IFT140: variants seen among roughly 807,000 people sequenced by gnomAD.
The protein encoded by IFT140 is intraflagellar transport protein 140 homolog.
In IFT140, 133 loss-of-function variants were observed where a neutral mutation model predicts 164.6. The observed-to-expected ratio is 0.81, with a 90% confidence interval of 0.70 to 0.93. IFT140 has a LOEUF of 0.93. Ranked by LOEUF, IFT140 falls within the 40% of genes least tolerant of loss-of-function variation. The pLI, the probability that IFT140 is intolerant of heterozygous loss-of-function variation, is 0.00. For synonymous variants in IFT140, 860 were observed against 817.3 expected, an observed-to-expected ratio of 1.05 and a Z score of -0.89; for missense variants, 2,045 against 1,972.3, an observed-to-expected ratio of 1.04 and a Z score of -0.70.
Position 1,511,357 on chromosome 16 carries a change from G to C in IFT140, c.4183-207C>G, listed in dbSNP as rs569256307. On this transcript the variant is annotated intron_variant, in intron 30 of 30. Transcript: ENST00000426508. ...TGCCCGCGGACCGCACACATGCCATGTGTGGACACTCAACAGGAAGCTTCG... is the reference window on the plus strand; with the variant it reads ...TGCCCGCGGACCGCACACATGCCATCTGTGGACACTCAACAGGAAGCTTCG... Among the ~76,000 whole-genome samples, 6 of 152,362 alleles carry C rather than the reference G, an allele frequency of 3.9e-5. No homozygotes were observed. In the East Asian group the frequency reaches 1.2e-3, roughly 29 times the overall value.
Position 1,561,033 on chromosome 16 carries a change from CCT to C in IFT140, c.2199+950_2199+951del, listed in dbSNP as rs112123162. ...CCCCCTGCCTCCCGCCTGCAGAACCCCTGTGGGGCTCACAGGCCGGCGCCAGC... is the reference window on the plus strand; with the variant it reads ...CCCCCTGCCTCCCGCCTGCAGAACCCGTGGGGCTCACAGGCCGGCGCCAGC... On this transcript the variant is annotated intron_variant, in intron 18 of 30. Coordinates refer to ENST00000426508, the MANE Select transcript of IFT140 (RefSeq NM_014714.4). 2.0e-4 allele frequency among the ~76,000 whole-genome samples: 30 copies of C among 152,364 alleles called. 1 individual carries two copies. The highest frequency in any genetic ancestry group is 6.5e-4 in the African/African-American group (27 of 41,578).
chr16:1,602,124 G>C (rs1467299753), intron 4 of IFT140: 11 of 528,098 alleles, frequency 2.1e-5, no homozygotes, highest in Non-Finnish European at 3.4e-6. Context: ...GACAGTATCT[G>C]GGCACGTATC....
intron 13 of IFT140, 32 bp downstream of exon 13, chr16:1,580,727 T>C: frequency 6.9e-7 from 1 of 1,447,558 alleles, no homozygotes; most frequent in Non-Finnish European, 9.7e-7. Context: ...CAAACTCTGC[T>C]CTGGTTTTCT....
At chr16:1,575,815 C>T (rs999187974) in intron 13 of IFT140, among the ~76,000 whole-genome samples, 2 of 151,984 alleles carry the variant, frequency 1.3e-5, no homozygotes, top group African/African-American at 2.4e-5. Flanking sequence ...CATCATGCCA[C>T]TGGCCCTCTC....
At position 1,511,125 on chromosome 16, in the gene IFT140, CG is replaced by C; in HGVS notation, c.4207del (p.Arg1403GlyfsTer13). The C allele has an allele frequency of 1.2e-6, 2 of 1,609,028 alleles. No individual in the cohort carries two copies. The highest frequency in any genetic ancestry group is 1.7e-6 in the Non-Finnish European group (2 of 1,178,438). On this transcript the variant is annotated frameshift_variant, in exon 31 of 31. Coordinates refer to ENST00000426508, the MANE Select transcript of IFT140 (RefSeq NM_014714.4). LOFTEE classifies it low-confidence loss of function (END_TRUNC). ...CATGTTGGCCAAGGGAAGCCGCCGCCGCATCTCCTCCAGGAATCTGTAGGCC... is the reference window on the plus strand; with the variant it reads ...CATGTTGGCCAAGGGAAGCCGCCGCCCATCTCCTCCAGGAATCTGTAGGCC... ...QTAYRFLEEM[R>X]RRLPLANMSY...
chr16:1,569,891 A>C (rs1158637262), intron 14 of IFT140, among the ~76,000 whole-genome samples: 1 of 151,728 alleles, frequency 6.6e-6, no homozygotes, highest in Non-Finnish European at 1.5e-5. Flanking sequence ...CCCAGAAAAA[A>C]AAAAAATAAT....
At chr16:1,567,983 G>C (rs2033811207) in intron 15 of IFT140, among the ~76,000 whole-genome samples, 3 of 152,234 alleles carry the variant, frequency 2.0e-5, no homozygotes, top group Admixed American at 2.0e-4. Flanking sequence ...GCAGGGGACA[G>C]AAGATGGCAG....
At chr16:1,560,623 T>C (rs1435507473) in intron 18 of IFT140, among the ~76,000 whole-genome samples, 1 of 152,206 alleles carries the variant, frequency 6.6e-6, no homozygotes, top group Non-Finnish European at 1.5e-5. Context: ...TGTTGGCTTC[T>C]GTGGCCATGC....
chr16:1,592,639 TG>T, intron 4 of IFT140, 51 bp from the exon 5 acceptor site: 4 of 1,576,744 alleles, frequency 2.5e-6, no homozygotes, highest in Non-Finnish European at 2.6e-6. Flanking sequence ...GCAGAGCGAC[TG>T]GTGGAGGGAC....
rs904938759 is a variant in IFT140, at chr16:1,572,889, C to T, written c.1525-1355G>A. Among the ~76,000 whole-genome samples the T allele has an allele frequency of 4.6e-5, 7 of 152,296 alleles. No homozygotes were observed. The East Asian group carries it at 7.7e-4, about 17-fold the overall frequency. On this transcript the variant is annotated intron_variant, in intron 13 of 30. Coordinates refer to ENST00000426508, the MANE Select transcript of IFT140 (RefSeq NM_014714.4). ...CCCAGGGCACTCCACGTGGGGGCAG[C>T]GAGTCAGATGCGAACGGCTGAATGC...
At chr16:1,530,713 G>C (rs984278146) in intron 19 of IFT140, 2 of 151,388 alleles carry the variant, frequency 1.3e-5, no homozygotes, top group African/African-American at 4.9e-5. Flanking sequence ...GAGCGGGAGA[G>C]AGCCCGCCCG....
At chr16:1,571,816 G>A (rs2034030709) in intron 13 of IFT140, among the ~76,000 whole-genome samples, 1 of 152,146 alleles carries the variant, frequency 6.6e-6, no homozygotes, top group Non-Finnish European at 1.5e-5. Context: ...AGACAGCAGT[G>A]CGGTCGACAA....
chr16:1,533,619 C>G lies in IFT140; in HGVS notation c.2400-6823G>C, dbSNP rs550360179. On this transcript the variant is annotated intron_variant, in intron 19 of 30. Transcript: ENST00000426508. The surrounding 1 kb of genome is among the most constrained non-coding windows in gnomAD (Gnocchi z 4.7). Reference sequence around the variant, plus strand: ...GCCGCGGCAGGGCCGCTATTTGTTGCGGTTGGCTACGCCTTCCAGCTCACC... The same window carrying G: ...GCCGCGGCAGGGCCGCTATTTGTTGGGGTTGGCTACGCCTTCCAGCTCACC... 1 of 152,268 alleles carries G rather than the reference C, an allele frequency of 6.6e-6. No homozygotes were observed. The highest frequency in any genetic ancestry group is 2.1e-4 in the South Asian group (1 of 4,836). 9.4% of individuals were successfully genotyped at this position (152,268 alleles called of 1,614,324 possible). A position where few individuals can be genotyped will look rare whatever the true frequency, so the allele number is the denominator to read the frequency against.
chr16:1,541,952 G>A (rs778851903), intron 19 of IFT140: 51 of 1,608,524 alleles, frequency 3.2e-5, no homozygotes, highest in Non-Finnish European at 3.9e-5. Flanking sequence ...CCTGCAACCT[G>A]GTGGCCACGG....
At chr16:1,582,958 G>A (rs1211241590) in intron 12 of IFT140, among the ~76,000 whole-genome samples, 5 of 152,250 alleles carry the variant, frequency 3.3e-5, no homozygotes, top group Admixed American at 6.5e-5. Flanking sequence ...AACGGAGCAT[G>A]TCTGAGGAGC....
intron 3 of IFT140, among the ~76,000 whole-genome samples, chr16:1,603,159 T>C (rs1484477752): frequency 1.3e-5 from 2 of 152,124 alleles, no homozygotes; most frequent in East Asian, 1.9e-4. Context: ...AGTGCCACCT[T>C]GTCATGATGT....
In IFT140 at chr16:1,553,296, CTCTCTGTGTCTCTG is replaced by C. The variant is rs979405297; in HGVS notation, c.2399+4625_2399+4638del. The C allele has an allele frequency of 2.0e-5, 20 of 983,444 alleles. No individual in the cohort carries two copies. In the South Asian group the frequency reaches 2.4e-4, roughly 12 times the overall value. The allele number at this position is 983,444 out of a possible 1,614,324, so 60.9% of individuals were successfully genotyped here. The stretch of plus-strand genomic sequence containing the variant: ...TCTGTCTCTCTGTGTCTCTGCCTGT[CTCTCTGTGTCTCTG>C]TCTCTGTGTCTCTGTCCCTGTGTCT... On this transcript the variant is annotated intron_variant, in intron 19 of 30. Transcript: ENST00000426508. The surrounding 1 kb of genome is among the most constrained non-coding windows in gnomAD (Gnocchi z 4.4).
intron 30 of IFT140, among the ~76,000 whole-genome samples, chr16:1,511,845 A>G (rs2040169504): frequency 6.6e-6 from 1 of 151,896 alleles, no homozygotes; most frequent in South Asian, 2.1e-4. Context: ...ACAGGACGTA[A>G]GGGCACAGAA....
chr16:1,608,288 T>A (rs550082081), intron 2 of IFT140, among the ~76,000 whole-genome samples: 1 of 152,228 alleles, frequency 6.6e-6, no homozygotes, highest in South Asian at 2.1e-4. Flanking sequence ...TACACCTCAG[T>A]CAATTTGGGG....
Sources: gnomAD v4.1 joint callset for allele counts (sites outside exome capture counted in the v4.1 genomes callset) on GRCh38, gnomAD v4.1.1 for gene constraint, Gnocchi (gnomAD v3.1) non-coding constraint, MANE v1.5 for transcripts, NCBI Gene and HGNC (gene_info 2026-07-23, HGNC 2026-07-21) for gene names.